The following RFX7 variants were observed in gnomAD, a reference collection of about 807,000 sequenced individuals.
RFX7 encodes DNA-binding protein RFX7.
A neutral mutation model predicts 111.8 loss-of-function variants in RFX7; 26 were observed. The observed-to-expected ratio is 0.23, with a 90% CI of 0.17 to 0.32. RFX7 has a LOEUF of 0.32. RFX7 is among the 10% of genes least tolerant of loss of function. The pLI, the probability that RFX7 is intolerant of heterozygous loss-of-function variation, is 1.00. For missense variants in RFX7, 1,573 were observed against 1,772.9 expected, an observed-to-expected ratio of 0.89 and a Z score of 2.02; for synonymous variants, 624 against 624.4, an observed-to-expected ratio of 1.00 and a Z score of 0.01.
chr15:56,105,779 C>A (rs1275376057), intron 5 of RFX7, among the ~76,000 whole-genome samples: 2 of 151,962 alleles, frequency 1.3e-5, no homozygotes, highest in African/African-American at 4.8e-5. Context: ...TTATTTGGGT[C>A]AAGGTTGAGG....
At chr15:56,202,624 C>T (rs1019781644) in intron 2 of RFX7, among the ~76,000 whole-genome samples, 5 of 152,004 alleles carry the variant, frequency 3.3e-5, no homozygotes, top group Non-Finnish European at 5.9e-5. Context: ...GACAACACAG[C>T]GAGACCCTAC....
At chr15:56,130,689 G>T (rs911347040) in intron 5 of RFX7, among the ~76,000 whole-genome samples, 7 of 149,898 alleles carry the variant, frequency 4.7e-5, no homozygotes, top group Admixed American at 2.0e-4. Flanking sequence ...CCTAATAAAT[G>T]AAAAAAAGAC....
rs1487671986 is a variant in RFX7 at position 56,103,640 on chromosome 15, T to C, written c.432A>G (p.Pro144=). The change falls in exon 6 of 10, where the codon CCA becomes CCG. Residue 144 remains proline (P), a synonymous_variant. Transcript: ENST00000559447. ...TCTTTCCAAAATCAGCAGCACTTAA[T>C]GGATGGTAACCAAGATTGTCACAAT... ...KSYCDNLGYH[P]LSAADFGKIM... The C allele has an allele frequency of 6.2e-7, 1 of 1,600,042 alleles. No homozygotes were observed. Among genetic ancestry groups the C allele is most frequent in the Non-Finnish European group, 8.5e-7 (1 of 1,172,536 alleles).
At position 56,088,704 on chromosome 15, in the gene RFX7, CAAAAT is replaced by C. The variant is rs1457001971; in HGVS notation, c.*4636_*4640del. 2.0e-5 allele frequency: 3 copies of C among 152,042 alleles called. No homozygotes were observed. Among genetic ancestry groups the C allele is most frequent in the Non-Finnish European group, 2.9e-5 (2 of 67,990 alleles). 9.4% of individuals were successfully genotyped at this position (152,042 alleles called of 1,614,324 possible). On this transcript the variant is annotated 3_prime_UTR_variant, in exon 10 of 10. Transcript: ENST00000559447. ...AAATAAATCTGTACTTCAGATTTAA[CAAAAT>C]AAAAAGTTTGGTCTTTTCTTATGCT...
Position 56,095,171 on chromosome 15 carries a change from C to A in RFX7, c.2557G>T (p.Asp853Tyr), listed in dbSNP as rs1228570023. ...AGTTCAGATTGCAGAGGTAACTGAT[C>A]TGAAGAATGTGCTTGTATTTGATTT... ...SLNQIQAHSS[D>Y]QLPLQSELKE... Residue 853 changes from aspartate (D) to tyrosine (Y), a missense_variant, in exon 10 of 10, where the codon GAT becomes TAT. Physicochemically the swap from Asp to Tyr is radical, Grantham distance 160 (BLOSUM62 -3). Coordinates refer to ENST00000559447, the MANE Select transcript of RFX7 (RefSeq NM_022841.7). The A allele has an allele frequency of 6.2e-7, 1 of 1,613,910 alleles. No individual in the cohort carries two copies.
intron 2 of RFX7, among the ~76,000 whole-genome samples, chr15:56,240,117 T>G (rs1169483154): frequency 6.9e-6 from 1 of 145,406 alleles, no homozygotes; most frequent in African/African-American, 2.5e-5. Flanking sequence ...TTTTTTTTTT[T>G]TTAACAACAA....
Position 56,094,378 on chromosome 15 carries a change from T to C in RFX7, c.3350A>G (p.His1117Arg), listed in dbSNP as rs2041641781. Residue 1117 changes from histidine (H) to arginine (R), a missense_variant, in exon 10 of 10, where the codon CAT (histidine) becomes CGT (arginine). His to Arg is a conservative substitution (Grantham distance 29, BLOSUM62 0). This residue lies in a region of RFX7 where 411 missense variants were observed against 478.1 expected (regional missense o/e 0.86). Coordinates refer to ENST00000559447, the MANE Select transcript of RFX7 (RefSeq NM_022841.7). ...AGAGACAGGAGTCAAACGACCAAAATGAGTGTCATGATGTCTGGATTGAGA... is the reference window on the plus strand; with the variant it reads ...AGAGACAGGAGTCAAACGACCAAAACGAGTGTCATGATGTCTGGATTGAGA... Reference protein sequence around the residue: ...YQSQSRHHDTHFGRLTPVSPV... With the variant: ...YQSQSRHHDTRFGRLTPVSPV... 6.2e-7 allele frequency: 1 copy of C among 1,613,760 alleles called. No homozygotes were observed. The highest frequency in any genetic ancestry group is 8.5e-7 in the Non-Finnish European group (1 of 1,179,864).
intron 5 of RFX7, among the ~76,000 whole-genome samples, chr15:56,123,176 A>G (rs1452406086): frequency 6.6e-6 from 1 of 152,122 alleles, no homozygotes; most frequent in African/African-American, 2.4e-5. Context: ...TCATACCTGA[A>G]GCCAGAATGT....
At chr15:56,169,013 A>G (rs1490283508) in intron 3 of RFX7, among the ~76,000 whole-genome samples, 1 of 152,218 alleles carries the variant, frequency 6.6e-6, no homozygotes, top group Non-Finnish European at 1.5e-5. Flanking sequence ...GTTTCATTCT[A>G]TAGTTAGGAT....
intron 3 of RFX7, among the ~76,000 whole-genome samples, chr15:56,156,816 CT>C (rs1463450292): frequency 6.6e-6 from 1 of 152,142 alleles, no homozygotes; most frequent in African/African-American, 2.4e-5. Flanking sequence ...GAGACTGAAT[CT>C]TTTCATATTA....
At chr15:56,237,548 A>G (rs1415542386) in intron 2 of RFX7, among the ~76,000 whole-genome samples, 1 of 152,226 alleles carries the variant, frequency 6.6e-6, no homozygotes, top group Non-Finnish European at 1.5e-5. Context: ...CATCTTTCAT[A>G]ACAAGACACT....
chr15:56,196,344 A>T (rs1451781100), intron 2 of RFX7, among the ~76,000 whole-genome samples: 2 of 152,058 alleles, frequency 1.3e-5, no homozygotes, highest in East Asian at 3.9e-4. Flanking sequence ...TATTATTCCC[A>T]TGAATGTATA....
chr15:56,153,072 C>T (rs760941773), intron 3 of RFX7, among the ~76,000 whole-genome samples: 1 of 152,116 alleles, frequency 6.6e-6, no homozygotes, highest in South Asian at 2.1e-4. Context: ...TAATTAATAG[C>T]CTACCAACCA....
intron 3 of RFX7, among the ~76,000 whole-genome samples, chr15:56,158,907 C>G (rs1465407191): frequency 6.6e-6 from 1 of 152,192 alleles, no homozygotes; most frequent in Non-Finnish European, 1.5e-5. Flanking sequence ...ATAATAGACA[C>G]CATTCTGTGC....
chr15:56,095,915 G>T lies in RFX7; in HGVS notation c.1813C>A (p.Arg605Ser). The T allele has an allele frequency of 6.2e-7, 1 of 1,605,560 alleles. No individual in the cohort carries two copies. Among genetic ancestry groups the T allele is most frequent in the South Asian group, 1.1e-5 (1 of 91,054 alleles). The change falls in exon 10 of 10, where the codon CGC becomes AGC. Residue 605 changes from arginine to serine, a missense_variant. Arg to Ser is a moderately radical substitution (Grantham distance 110, BLOSUM62 -1). Transcript: ENST00000559447. ...GTGCCTGGCAGCATTTCATTACAGC[G>T]ACTTTTACATTTGGTCCTCTGGTCA... is the stretch of plus-strand genomic sequence containing the variant. ...VCDQRTKCKS[R>S]CNEMLPGTST...
chr15:56,103,803 T>C, intron 5 of RFX7, 133 bp from the exon 6 acceptor site: 1 of 614,482 alleles, frequency 1.6e-6, no homozygotes, highest in Non-Finnish European at 2.9e-6. Context: ...ACAATGTCTA[T>C]GATCATCACT....
At chr15:56,142,597 C>A (rs1437708801) in intron 5 of RFX7, among the ~76,000 whole-genome samples, 181 bp downstream of exon 5, 2 of 152,056 alleles carry the variant, frequency 1.3e-5, no homozygotes, top group Non-Finnish European at 2.9e-5. Context: ...ATTAATCCTG[C>A]CCCCCTTTAT....
chr15:56,089,950 A>G lies in RFX7; in HGVS notation c.*3395T>C, dbSNP rs1262517386. The G allele has an allele frequency of 6.6e-6, 1 of 152,164 alleles. No homozygotes were observed. The highest frequency in any genetic ancestry group is 1.5e-5 in the Non-Finnish European group (1 of 68,042). 9.4% of individuals were successfully genotyped at this position (152,164 alleles called of 1,614,324 possible). ...GTTTGAGAAGATCTGTCTACAATAT[A>G]TAGTCCCTGGCACTGGTTGTTGTTG... On this transcript the variant is annotated 3_prime_UTR_variant, in exon 10 of 10. Coordinates refer to ENST00000559447, the MANE Select transcript of RFX7 (RefSeq NM_022841.7).
intron 8 of RFX7, among the ~76,000 whole-genome samples, chr15:56,099,422 A>G (rs1351486964): frequency 6.6e-6 from 1 of 152,084 alleles, no homozygotes; most frequent in Non-Finnish European, 1.5e-5. Context: ...TTCATCTCAA[A>G]TCCAGCTCCA....
Sources: allele counts gnomAD v4.1 joint callset (sites outside exome capture counted in the v4.1 genomes callset), GRCh38; gene constraint gnomAD v4.1.1; regional missense constraint gnomAD v4.1.1; transcripts MANE v1.5; gene names NCBI Gene and HGNC (gene_info 2026-07-23, HGNC 2026-07-21).